The following USP15 variants were observed in gnomAD, a reference collection of about 807,000 sequenced individuals.
USP15 encodes ubiquitin specific peptidase 15, also known as ubiquitin carboxyl-terminal hydrolase 15.
USP15 carries 18 observed loss-of-function variants against 127.1 expected under a neutral mutation model. The ratio of observed to expected loss-of-function variants is 0.14; its 90% CI spans 0.10 to 0.21. The LOEUF (loss-of-function observed/expected upper bound fraction) is 0.21, where lower values mean the gene tolerates loss of function less well. Among genes scored for constraint, USP15 ranks in the 10% least tolerant of loss-of-function variants. The pLI, the probability that USP15 is intolerant of heterozygous loss-of-function variation, is 1.00. For synonymous variants in USP15, 364 were observed against 393.7 expected (o/e 0.92, Z 0.89); for missense variants, 805 against 1,159.9 (o/e 0.69, Z 4.44).
At chr12:62,369,015 A>G (rs1252407502) in intron 8 of USP15, among the ~76,000 whole-genome samples, 1 of 152,174 alleles carries the variant, frequency 6.6e-6, no homozygotes, top group Non-Finnish European at 1.5e-5. Flanking sequence ...AGTCTCTACT[A>G]TGTGCCATGC....
chr12:62,283,810 G>A (rs2063719421), intron 1 of USP15, among the ~76,000 whole-genome samples: 1 of 152,170 alleles, frequency 6.6e-6, no homozygotes, highest in Non-Finnish European at 1.5e-5. Context: ...GGGCATGGTG[G>A]CACAAGCCAT....
At chr12:62,335,183 G>A in intron 6 of USP15, 1 of 1,535,712 alleles carries the variant, frequency 6.5e-7, no homozygotes, top group Non-Finnish European at 8.7e-7. Flanking sequence ...CTAGAGCAGA[G>A]TTGCTAGTGA....
chr12:62,327,150 TAAATA>T (rs1307804736), intron 6 of USP15, among the ~76,000 whole-genome samples: 1 of 151,970 alleles, frequency 6.6e-6, no homozygotes, highest in Non-Finnish European at 1.5e-5. Context: ...TAAATATAAA[TAAATA>T]AAATAAAACT....
At chr12:62,400,683 A>G (rs1397815174) in intron 20 of USP15, among the ~76,000 whole-genome samples, 1 of 152,022 alleles carries the variant, frequency 6.6e-6, no homozygotes, top group Non-Finnish European at 1.5e-5. Flanking sequence ...AGAAAATTTA[A>G]TAATAAGTTG....
intron 5 of USP15, 32 bp from the exon 6 acceptor site, chr12:62,325,839 GA>G: frequency 6.4e-7 from 1 of 1,570,080 alleles, no homozygotes; most frequent in South Asian, 1.2e-5. Flanking sequence ...CAGAGTTATG[GA>G]AAAACACCCT....
chr12:62,329,005 G>A (rs1475469192), intron 6 of USP15, among the ~76,000 whole-genome samples: 1 of 152,124 alleles, frequency 6.6e-6, no homozygotes, highest in African/African-American at 2.4e-5. Context: ...AACTTTATAT[G>A]CAAAGGCTAA....
At chr12:62,315,762 T>C (rs912903181) in intron 4 of USP15, among the ~76,000 whole-genome samples, 2 of 152,174 alleles carry the variant, frequency 1.3e-5, no homozygotes, top group Admixed American at 1.3e-4. Context: ...AATGAAAGTA[T>C]TTCTGAATTT....
chr12:62,390,362 ATACAT>A (rs1407820450), intron 14 of USP15, among the ~76,000 whole-genome samples: 3 of 152,160 alleles, frequency 2.0e-5, no homozygotes, highest in Non-Finnish European at 4.4e-5. Flanking sequence ...ATTTCTTTAT[ATACAT>A]TACCAGTTCA....
In USP15 at chr12:62,411,441, C is replaced by G. The variant is rs1340338452; in HGVS notation, c.*7066C>G. On this transcript the variant is annotated 3_prime_UTR_variant, in exon 22 of 22. Transcript: ENST00000280377. Reference sequence around the variant, plus strand: ...TAGATTCAAGATATAAAGTAATATACAAAAACAAAATCCAGTTACAAATAT... The same window carrying G: ...TAGATTCAAGATATAAAGTAATATAGAAAAACAAAATCCAGTTACAAATAT... 1 of 152,182 alleles carries G rather than the reference C, an allele frequency of 6.6e-6. No homozygotes were observed. The highest frequency in any genetic ancestry group is 1.5e-5 in the Non-Finnish European group (1 of 68,020). The allele number at this position is 152,182 out of a possible 1,614,324, so 9.4% of individuals were successfully genotyped here.
intron 3 of USP15, chr12:62,303,177 A>G: frequency 4.1e-6 from 1 of 246,310 alleles, no homozygotes; most frequent in South Asian, 9.7e-5. Flanking sequence ...GTAGGAAATG[A>G]GGATAAAAAG....
intron 8 of USP15, chr12:62,374,395 G>A (rs2066763153): frequency 3.0e-6 from 3 of 985,412 alleles, no homozygotes; most frequent in South Asian, 4.7e-5. Context: ...TCTAGTTACC[G>A]GTTTACTAAA....
At chr12:62,334,605 T>C (rs1469006478) in intron 6 of USP15, among the ~76,000 whole-genome samples, 1 of 152,212 alleles carries the variant, frequency 6.6e-6, no homozygotes, top group Non-Finnish European at 1.5e-5. Flanking sequence ...TCTTTTTCTT[T>C]CAGAACTTGT....
chr12:62,372,081 C>A (rs372885576), intron 8 of USP15, among the ~76,000 whole-genome samples: 19 of 152,078 alleles, frequency 1.2e-4, no homozygotes, highest in African/African-American at 4.3e-4. Flanking sequence ...CTTTCACACA[C>A]CTGGTTTGCA....
chr12:62,288,344 C>T (rs77738890), intron 1 of USP15, among the ~76,000 whole-genome samples: 31 of 114,434 alleles, frequency 2.7e-4, no homozygotes, highest in South Asian at 8.5e-4. Context: ...TGGCATTTTA[C>T]TTTTTTTTTT....
chr12:62,366,931 G>A (rs2066495010), intron 8 of USP15, among the ~76,000 whole-genome samples: 1 of 152,160 alleles, frequency 6.6e-6, no homozygotes. Flanking sequence ...GCTTTTTGAT[G>A]TGGTGCTGGA....
intron 8 of USP15, among the ~76,000 whole-genome samples, chr12:62,377,574 G>A (rs950417616): frequency 2.0e-5 from 3 of 151,830 alleles, no homozygotes; most frequent in African/African-American, 4.8e-5. Context: ...ACAAAAATTA[G>A]CCAGGCATGG....
intron 6 of USP15, among the ~76,000 whole-genome samples, chr12:62,334,390 A>C (rs1265023044): frequency 1.3e-5 from 2 of 152,176 alleles, no homozygotes; most frequent in African/African-American, 4.8e-5. Flanking sequence ...TTATATGTAA[A>C]AGTAAGCAGT....
intron 8 of USP15, among the ~76,000 whole-genome samples, chr12:62,373,260 C>T (rs73136866): frequency 0.1 from 15,664 of 151,936 alleles, 846 homozygotes; most frequent in Middle Eastern, 0.17. Flanking sequence ...TTTTGACAAA[C>T]TTAGAGTTTT....
At chr12:62,371,281 C>A (rs759522857) in intron 8 of USP15, among the ~76,000 whole-genome samples, 1 of 152,156 alleles carries the variant, frequency 6.6e-6, no homozygotes, top group African/African-American at 2.4e-5. Context: ...TCCCTACTTG[C>A]GTTTTTCATA....
Sources: gnomAD v4.1 joint callset for allele counts (sites outside exome capture counted in the v4.1 genomes callset) on GRCh38, gnomAD v4.1.1 for gene constraint, MANE v1.5 for transcripts, NCBI Gene and HGNC (gene_info 2026-07-23, HGNC 2026-07-21) for gene names.